PDZD2: variants seen among roughly 807,000 people sequenced by gnomAD.
PDZD2 encodes PDZ domain-containing protein 2.
Under a neutral mutation model 220.7 loss-of-function variants are expected in PDZD2, and 90 were observed. The observed-to-expected ratio is 0.41, with a 90% CI of 0.34 to 0.49. The LOEUF is 0.49. PDZD2 is among the 20% of genes least tolerant of loss of function. The pLI is 0.28. For missense variants in PDZD2, 3,174 were observed against 3,608.5 expected (o/e 0.88, Z 3.08); for synonymous variants, 1,375 against 1,450.5 (o/e 0.95, Z 1.18).
At chr5:32,015,971 A>G (rs1476771624) in intron 6 of PDZD2, among the ~76,000 whole-genome samples, 5 of 152,238 alleles carry the variant, frequency 3.3e-5, no homozygotes, top group Non-Finnish European at 4.4e-5. Context: ...GTTGCCATCA[A>G]GCAAATCAGT....
At chr5:31,811,054 G>C (rs891372190) in intron 2 of PDZD2, among the ~76,000 whole-genome samples, 1 of 152,000 alleles carries the variant, frequency 6.6e-6, no homozygotes, top group African/African-American at 2.4e-5. Context: ...CACGATCTTG[G>C]TTGGCTCAAT....
intron 2 of PDZD2, among the ~76,000 whole-genome samples, chr5:31,938,894 A>C (rs890481060): frequency 1.3e-5 from 2 of 152,204 alleles, no homozygotes; most frequent in African/African-American, 4.8e-5. Flanking sequence ...ACTTGTGTCG[A>C]AACTTCAGGC....
chr5:31,650,882 G>T lies in PDZD2; in HGVS notation c.-361+11445G>T, dbSNP rs150888517. On this transcript the variant is annotated intron_variant, in intron 1 of 24. Transcript: ENST00000438447. ...ATAAGAGCCCTAGGGTGAGAGCATGGACTCCATTTTCAGATTGGCTATTAG... is the reference window on the plus strand; with the variant it reads ...ATAAGAGCCCTAGGGTGAGAGCATGTACTCCATTTTCAGATTGGCTATTAG... Among the ~76,000 whole-genome samples, 45 of 152,254 alleles carry T rather than the reference G, an allele frequency of 3.0e-4. 1 individual carries two copies. Among genetic ancestry groups the T allele is most frequent in the African/African-American group, 1.0e-3 (43 of 41,560 alleles).
chr5:32,089,712 C>T lies in PDZD2; in HGVS notation c.6264C>T (p.Asn2088=), dbSNP rs1418578953. The T allele has an allele frequency of 1.9e-5, 31 of 1,614,072 alleles. No individual in the cohort carries two copies. Among genetic ancestry groups the T allele is most frequent in the Non-Finnish European group, 2.6e-5 (31 of 1,180,046 alleles). ...IMASDRLERT[N]QLKIVEISAE... ...CCAGCGATCGCCTCGAAAGAACAAA[C>T]CAGCTGAAAATCGTGGAGATTTCTG... Residue 2088 remains asparagine, a synonymous_variant, in exon 20 of 25, where the codon AAC becomes AAT. Coordinates refer to ENST00000438447, the MANE Select transcript of PDZD2 (RefSeq NM_178140.4).
At chr5:31,840,559 T>C in intron 2 of PDZD2, 1 of 680,872 alleles carries the variant, frequency 1.5e-6, no homozygotes, top group Non-Finnish European at 2.7e-6. Flanking sequence ...TCTCACAAAA[T>C]GTGCTTCTCT....
intron 14 of PDZD2, 36 bp downstream of exon 14, chr5:32,061,170 T>C: frequency 6.2e-7 from 1 of 1,606,272 alleles, no homozygotes; most frequent in South Asian, 1.1e-5. Flanking sequence ...CGTGGGAAGA[T>C]GATACACCTT....
intron 1 of PDZD2, among the ~76,000 whole-genome samples, chr5:31,661,763 G>T (rs1180429964): frequency 6.7e-6 from 1 of 148,578 alleles, no homozygotes; most frequent in Non-Finnish European, 1.5e-5. Flanking sequence ...AAGATAGATA[G>T]AAATAAGTAG....
intron 1 of PDZD2, among the ~76,000 whole-genome samples, chr5:31,647,535 T>C (rs1267588780): frequency 1.3e-5 from 2 of 152,176 alleles, no homozygotes; most frequent in African/African-American, 2.4e-5. Context: ...CTGTGGACAT[T>C]CCTTGCACTG....
At chr5:32,080,347 CAAAA>C (rs35491724) in intron 19 of PDZD2, among the ~76,000 whole-genome samples, 569 of 54,244 alleles carry the variant, frequency 0.01, 5 homozygotes, top group Non-Finnish European at 0.014. Flanking sequence ...GACTCCATCT[CAAAA>C]AAAAAAAAAA....
rs558938905 is a variant in PDZD2 at position 31,791,996 on chromosome 5, A to G, written c.-360-6893A>G. On this transcript the variant is annotated intron_variant, in intron 1 of 24. Coordinates refer to ENST00000438447, the MANE Select transcript of PDZD2 (RefSeq NM_178140.4). The stretch of plus-strand genomic sequence containing the variant: ...CTAATTTCTGCTCTTCCCTAAAGGA[A>G]TGTTGGTGTAACCCTACCCAACAAT... Among the ~76,000 whole-genome samples, 9 of 152,314 alleles carry G rather than the reference A, an allele frequency of 5.9e-5. No homozygotes were observed. In the East Asian group the frequency reaches 1.7e-3, roughly 29 times the overall value.
At chr5:31,827,705 A>AAT (rs59530578) in intron 2 of PDZD2, among the ~76,000 whole-genome samples, 5,315 of 138,272 alleles carry the variant, frequency 0.038, 418 homozygotes, top group African/African-American at 0.14. Context: ...AAAAATAAAT[A>AAT]AATAAAAAAA....
chr5:31,932,213 A>T (rs556032114), intron 2 of PDZD2, among the ~76,000 whole-genome samples: 1 of 152,200 alleles, frequency 6.6e-6, no homozygotes, highest in Non-Finnish European at 1.5e-5. Context: ...GACATCAAGC[A>T]TATGAAGCAT....
chr5:31,885,931 T>A (rs200940984), intron 2 of PDZD2, among the ~76,000 whole-genome samples: 102 of 123,308 alleles, frequency 8.3e-4, no homozygotes, highest in East Asian at 2.2e-3. Context: ...TTTTTTTTTT[T>A]AAAATAATTT....
At chr5:31,961,325 C>A (rs925087321) in intron 2 of PDZD2, among the ~76,000 whole-genome samples, 4 of 140,230 alleles carry the variant, frequency 2.9e-5, no homozygotes, top group Non-Finnish European at 6.0e-5. Flanking sequence ...TGAGACCAGG[C>A]GTTTGAGGGC....
At chr5:31,806,456 TGCCTA>T (rs1490485555) in intron 2 of PDZD2, among the ~76,000 whole-genome samples, 1 of 152,208 alleles carries the variant, frequency 6.6e-6, no homozygotes, top group Non-Finnish European at 1.5e-5. Flanking sequence ...GCACTCCTGA[TGCCTA>T]GTAATCCTAG....
chr5:31,804,138 G>A (rs1227884879), intron 2 of PDZD2, among the ~76,000 whole-genome samples: 2 of 152,120 alleles, frequency 1.3e-5, no homozygotes, highest in South Asian at 2.1e-4. Context: ...ATCTTGTTTA[G>A]TGGTCAGCAG....
intron 6 of PDZD2, among the ~76,000 whole-genome samples, chr5:32,011,420 G>T (rs1753314170): frequency 6.6e-6 from 1 of 152,036 alleles, no homozygotes; most frequent in South Asian, 2.1e-4. Flanking sequence ...GATCACTTGA[G>T]CCTGAGAGGT....
At chr5:31,773,497 A>C (rs2150200372) in intron 1 of PDZD2, among the ~76,000 whole-genome samples, 1 of 151,888 alleles carries the variant, frequency 6.6e-6, no homozygotes, top group Non-Finnish European at 1.5e-5. Flanking sequence ...AAAAAAAAAA[A>C]AAAATTAGTG....
At chr5:31,881,586 C>T (rs1048413539) in intron 2 of PDZD2, among the ~76,000 whole-genome samples, 2 of 151,620 alleles carry the variant, frequency 1.3e-5, no homozygotes, top group African/African-American at 4.8e-5. Context: ...CCATGTTGGC[C>T]AGACTGGTCT....
Sources: allele counts gnomAD v4.1 joint callset (sites outside exome capture counted in the v4.1 genomes callset), GRCh38; gene constraint gnomAD v4.1.1; transcripts MANE v1.5; gene names NCBI Gene and HGNC (gene_info 2026-07-23, HGNC 2026-07-21).